The following EP400 variants were observed in gnomAD, a reference collection of about 807,000 sequenced individuals.
EP400 encodes E1A-binding protein p400.
Under a neutral mutation model 354.1 loss-of-function variants are expected in EP400, and 105 were observed. The ratio of observed to expected loss-of-function variants is 0.30; its 90% CI spans 0.25 to 0.35. EP400 has a LOEUF of 0.35. Ranked by LOEUF, EP400 falls within the 10% of genes least tolerant of loss-of-function variation. The pLI is 1.00. For missense variants in EP400, 3,280 were observed against 4,121.0 expected (o/e 0.80, Z 5.59); for synonymous variants, 1,646 against 1,716.9 (o/e 0.96, Z 1.02).
rs1157669103 is a variant in EP400, at chr12:132,077,412, G to C, written c.9111G>C (p.Gln3037His). The change falls in exon 53 of 53, where the codon CAG (glutamine) becomes CAC (histidine). Residue 3037 changes from glutamine (Q) to histidine (H), a missense_variant. By Grantham distance (24) the Gln-to-His change is conservative. This residue lies in a region of EP400 where 279 missense variants were observed against 386.7 expected (regional missense o/e 0.72). Coordinates refer to ENST00000389561, the MANE Select transcript of EP400 (RefSeq NM_015409.5). ...VASASQQASPQTVALTQATAA... is the reference protein window; with the variant it reads ...VASASQQASPHTVALTQATAA... ...CTCTCTCGGCTCAGGCTTCTCCACA[G>C]ACTGTGGCGCTCACGCAGGCGACGG... The C allele has an allele frequency of 1.9e-6, 3 of 1,611,408 alleles. No individual in the cohort carries two copies. Among genetic ancestry groups the C allele is most frequent in the Non-Finnish European group, 2.5e-6 (3 of 1,179,344 alleles).
intron 23 of EP400, among the ~76,000 whole-genome samples, chr12:132,021,549 C>G (rs931642534): frequency 1.3e-5 from 2 of 152,270 alleles, no homozygotes; most frequent in Non-Finnish European, 2.9e-5. Context: ...TCTCTCCTGA[C>G]CCCGCCATCC....
rs1283187819 is a variant in EP400 at position 132,067,308 on chromosome 12, G to A, written c.8750-54G>A. The A allele has an allele frequency of 6.3e-7, 1 of 1,588,112 alleles. No individual in the cohort carries two copies. Among genetic ancestry groups the A allele is most frequent in the Non-Finnish European group, 8.6e-7 (1 of 1,164,590 alleles). On this transcript the variant is annotated intron_variant, in intron 49 of 52. Coordinates refer to ENST00000389561, the MANE Select transcript of EP400 (RefSeq NM_015409.5). This position sits in a 1 kb window ranked among gnomAD's most constrained non-coding sequence, Gnocchi z 5.3. ...AGTCAGTTGGAACAGAGCTTGGCGT[G>A]AGCCTCAAGCTCTTTTCCCAGTGTG...
In EP400 at chr12:132,037,251, C is replaced by T. The variant is rs138119868; in HGVS notation, c.5952-431C>T. 3.3e-5 allele frequency among the ~76,000 whole-genome samples: 5 copies of T among 152,242 alleles called. No homozygotes were observed. The East Asian group carries it at 9.7e-4, about 29-fold the overall frequency. ...TGTACCGGGGTTAGAAAGAGAAAAACGCCCATAATTACATGAGAATGAGGT... is the reference window on the plus strand; with the variant it reads ...TGTACCGGGGTTAGAAAGAGAAAAATGCCCATAATTACATGAGAATGAGGT... On this transcript the variant is annotated intron_variant, in intron 30 of 52. Transcript: ENST00000389561.
In EP400 at chr12:132,027,107, G is replaced by T. The variant is rs143931737; in HGVS notation, c.5015-330G>T. Among the ~76,000 whole-genome samples, 21 of 152,326 alleles carry T rather than the reference G, an allele frequency of 1.4e-4. No individual in the cohort carries two copies. Among genetic ancestry groups the T allele is most frequent in the Middle Eastern group, 3.4e-3 (1 of 294 alleles). On this transcript the variant is annotated intron_variant, in intron 25 of 52. Coordinates refer to ENST00000389561, the MANE Select transcript of EP400 (RefSeq NM_015409.5). This position sits in a 1 kb window ranked among gnomAD's most constrained non-coding sequence, Gnocchi z 4.9. Reference sequence around the variant, plus strand: ...GTGGCCATGTGCTGATGGCGATGGGGTACCCAGGGCCTCGGAGGTGTGCTG... The same window carrying T: ...GTGGCCATGTGCTGATGGCGATGGGTTACCCAGGGCCTCGGAGGTGTGCTG...
At chr12:132,048,933 ATT>A (rs1020985586) in intron 39 of EP400, among the ~76,000 whole-genome samples, 15 of 152,198 alleles carry the variant, frequency 9.9e-5, no homozygotes, top group Admixed American at 2.0e-4. Flanking sequence ...CTTAACCTGT[ATT>A]TTAGGAATCA....
chr12:132,012,845 C>T (rs1374044779), intron 16 of EP400, among the ~76,000 whole-genome samples, 164 bp from the exon 17 acceptor site: 9 of 152,170 alleles, frequency 5.9e-5, no homozygotes, highest in Non-Finnish European at 1.2e-4. Context: ...AACATAAACA[C>T]AGCCGTTTTC....
intron 32 of EP400, among the ~76,000 whole-genome samples, chr12:132,041,959 T>C (rs562046034): frequency 1.3e-5 from 2 of 150,528 alleles, no homozygotes; most frequent in South Asian, 4.2e-4. Flanking sequence ...TCTTTTTCTT[T>C]TTTTTTTTTT....
intron 25 of EP400, among the ~76,000 whole-genome samples, chr12:132,026,700 G>A (rs1197306488): frequency 6.6e-6 from 1 of 152,138 alleles, no homozygotes; most frequent in Non-Finnish European, 1.5e-5. Flanking sequence ...AGAGGCCCCA[G>A]TACCAACTGG....
chr12:132,054,121 T>C lies in EP400; in HGVS notation c.7728+524T>C, dbSNP rs1895403303. ...GACTGTGGCCATGCACACCACGCTCTGGTGTATCTCTGTACTGTGTGCGTC... is the reference window on the plus strand; with the variant it reads ...GACTGTGGCCATGCACACCACGCTCCGGTGTATCTCTGTACTGTGTGCGTC... On this transcript the variant is annotated intron_variant, in intron 43 of 52. Transcript: ENST00000389561. This position sits in a 1 kb window ranked among gnomAD's most constrained non-coding sequence, Gnocchi z 4.0. Among the ~76,000 whole-genome samples the C allele has an allele frequency of 2.0e-5, 3 of 152,218 alleles. No homozygotes were observed. Among genetic ancestry groups the C allele is most frequent in the African/African-American group, 4.8e-5 (2 of 41,460 alleles).
chr12:132,021,146 C>A lies in EP400; in HGVS notation c.4515C>A (p.Ala1505=). 1 of 1,600,628 alleles carries A rather than the reference C, an allele frequency of 6.2e-7. No homozygotes were observed. The highest frequency in any genetic ancestry group is 8.5e-7 in the Non-Finnish European group (1 of 1,179,812). ...CTCCACGACACCAGCCCGCCTCGGC[C>A]TCCAGCACAGCCGCTAGCCCGGCCC... ...ASAPRHQPAS[A]SSTAASPAHP... The change falls in exon 23 of 53, where the codon GCC becomes GCA. Residue 1505 remains alanine, a synonymous_variant. Coordinates refer to ENST00000389561, the MANE Select transcript of EP400 (RefSeq NM_015409.5).
At chr12:131,982,983 A>AAT (rs1555272472) in intron 5 of EP400, among the ~76,000 whole-genome samples, 32 of 149,730 alleles carry the variant, frequency 2.1e-4, no homozygotes, top group East Asian at 7.8e-4. Context: ...AAAAAAAAAA[A>AAT]AATAATAATA....
At chr12:132,036,485 C>G (rs1306194817) in intron 30 of EP400, among the ~76,000 whole-genome samples, 1 of 152,294 alleles carries the variant, frequency 6.6e-6, no homozygotes, top group African/African-American at 2.4e-5. Context: ...AGCACGCACC[C>G]AGGTTCACAC....
At position 132,064,699 on chromosome 12, in the gene EP400, T is replaced by C. The variant is rs1895829838; in HGVS notation, c.8366T>C (p.Leu2789Pro). 1 of 1,613,160 alleles carries C rather than the reference T, an allele frequency of 6.2e-7. No individual in the cohort carries two copies. The highest frequency in any genetic ancestry group is 8.5e-7 in the Non-Finnish European group (1 of 1,179,322). ...CTCATCAAAATGCAGAAGCAGAAAC[T>C]GCAGATGCCCCCGCAGCCCCCACCG... is the stretch of plus-strand genomic sequence containing the variant. ...EHLIKMQKQKLQMPPQPPPPQ... is the reference protein window; with the variant it reads ...EHLIKMQKQKPQMPPQPPPPQ... Residue 2789 changes from leucine (L) to proline (P), a missense_variant, in exon 48 of 53, where the codon CTG becomes CCG. Physicochemically the swap from Leu to Pro is moderately conservative, Grantham distance 98. Coordinates refer to ENST00000389561, the MANE Select transcript of EP400 (RefSeq NM_015409.5).
chr12:131,988,607 A>G (rs561819073), intron 7 of EP400, among the ~76,000 whole-genome samples: 1 of 152,296 alleles, frequency 6.6e-6, no homozygotes, highest in African/African-American at 2.4e-5. Flanking sequence ...ACTGTTGCCA[A>G]AGCAGGCGCA....
In EP400 at chr12:132,013,340, G is replaced by A; in HGVS notation, c.3612-150G>A. On this transcript the variant is annotated intron_variant, in intron 17 of 52. Transcript: ENST00000389561. The surrounding 1 kb of genome is among the most constrained non-coding windows in gnomAD (Gnocchi z 4.5). The stretch of plus-strand genomic sequence containing the variant: ...ATGGGCCAGAGAGCCCCAGAGCTGG[G>A]TCAGTGCAGCCCCCCTTTTCAGGCA... The A allele has an allele frequency of 7.2e-7, 1 of 1,390,260 alleles. No individual in the cohort carries two copies. 86.1% of individuals were successfully genotyped at this position (1,390,260 alleles called of 1,614,324 possible).
At chr12:132,037,655 T>C in intron 30 of EP400, 27 bp from the exon 31 acceptor site, 1 of 1,591,988 alleles carries the variant, frequency 6.3e-7, no homozygotes, top group East Asian at 2.2e-5. Context: ...GGTGACTGAC[T>C]TAGCATCTTA....
intron 22 of EP400, 144 bp downstream of exon 22, chr12:132,020,362 TGTTTA>T: frequency 4.3e-6 from 4 of 927,370 alleles, no homozygotes; most frequent in Non-Finnish European, 6.2e-6. Flanking sequence ...GAAGGTGCCT[TGTTTA>T]GTTCTTGATG....
chr12:132,039,464 CA>C (rs1449841431), intron 32 of EP400, among the ~76,000 whole-genome samples: 3 of 152,068 alleles, frequency 2.0e-5, no homozygotes, highest in African/African-American at 7.2e-5. Context: ...ACAGGACGAA[CA>C]GGGTGAGACC....
intron 2 of EP400, among the ~76,000 whole-genome samples, chr12:131,962,757 T>C (rs1593311392): frequency 1.3e-5 from 2 of 152,354 alleles, no homozygotes; most frequent in Middle Eastern, 6.8e-3. Context: ...TGAATTGGAC[T>C]GTGACACACT....
Sources: gnomAD v4.1 joint callset for allele counts (sites outside exome capture counted in the v4.1 genomes callset) on GRCh38, gnomAD v4.1.1 for gene constraint, gnomAD v4.1.1 regional missense constraint, Gnocchi (gnomAD v3.1) non-coding constraint, MANE v1.5 for transcripts, NCBI Gene and HGNC (gene_info 2026-07-23, HGNC 2026-07-21) for gene names.